Variants in ETHE1 observed in about 807,000 individuals in gnomAD.
ETHE1 encodes the protein ETHE1 persulfide dioxygenase.
In ETHE1, 16 loss-of-function variants were observed where a neutral mutation model predicts 25.7. That is an observed-to-expected ratio of 0.62 (90% confidence interval 0.42 to 0.95). The LOEUF is 0.95. Among genes scored for constraint, ETHE1 ranks in the 40% least tolerant of loss-of-function variants. The pLI is 0.00. For synonymous variants in ETHE1, 139 were observed against 135.9 expected (o/e 1.02, Z -0.16); for missense variants, 300 against 333.6 (o/e 0.90, Z 0.79).
chr19:43,512,996 A>G (rs1019561200), intron 3 of ETHE1, among the ~76,000 whole-genome samples: 8 of 152,186 alleles, frequency 5.3e-5, no homozygotes, highest in African/African-American at 1.9e-4. Context: ...TCGGGGCTAA[A>G]AGGGGCCAAG....
At position 43,526,214 on chromosome 19, in the gene ETHE1, C is replaced by T. The variant is rs1194917182; in HGVS notation, c.362G>A (p.Arg121His). The change falls in exon 3 of 7, where the codon CGC becomes CAC. Residue 121 changes from arginine to histidine, a missense_variant. By Grantham distance (29) the Arg-to-His change is conservative. Transcript: ENST00000292147. ...DLHIEDGDSI[R>H]FGRFALETRA... is the part of the protein sequence containing the mutation. ...CACCCAACTCACGAAGCGCCCGAAG[C>T]GGATGGAGTCTCCATCCTCAATGTG... 6.2e-7 allele frequency: 1 copy of T among 1,614,040 alleles called. No individual in the cohort carries two copies. Among genetic ancestry groups the T allele is most frequent in the East Asian group, 2.2e-5 (1 of 44,880 alleles).
At chr19:43,513,191 T>C (rs1394182869) in intron 3 of ETHE1, among the ~76,000 whole-genome samples, 1 of 152,106 alleles carries the variant, frequency 6.6e-6, no homozygotes, top group African/African-American at 2.4e-5. Context: ...GAAGCCTTCA[T>C]AGGGAACCTC....
chr19:43,507,030 T>A, intron 6 of ETHE1, 128 bp from the exon 7 acceptor site: 1 of 926,756 alleles, frequency 1.1e-6, no homozygotes, highest in Non-Finnish European at 1.7e-6. Flanking sequence ...GCCCACTCCT[T>A]CCCTCAGACC....
At chr19:43,523,067 T>C (rs1972167198) in intron 3 of ETHE1, among the ~76,000 whole-genome samples, 1 of 152,166 alleles carries the variant, frequency 6.6e-6, no homozygotes, top group Non-Finnish European at 1.5e-5. Context: ...GTCCTGTTTA[T>C]AATGTCAGAA....
At chr19:43,509,295 G>A (rs1038810055) in intron 4 of ETHE1, among the ~76,000 whole-genome samples, 1 of 151,898 alleles carries the variant, frequency 6.6e-6, no homozygotes, top group Non-Finnish European at 1.5e-5. Context: ...TCAGGAGTTC[G>A]AGACCAGCCT....
At chr19:43,510,508 T>C (rs1337711516) in intron 4 of ETHE1, among the ~76,000 whole-genome samples, 1 of 151,924 alleles carries the variant, frequency 6.6e-6, no homozygotes, top group Admixed American at 6.6e-5. Flanking sequence ...CTAATTTTTG[T>C]ATTTTTAGTA....
At position 43,523,562 on chromosome 19, in the gene ETHE1, C is replaced by T. The variant is rs575832751; in HGVS notation, c.375+2639G>A. Among the ~76,000 whole-genome samples the T allele has an allele frequency of 7.9e-5, 12 of 152,068 alleles. No homozygotes were observed. In the East Asian group the frequency reaches 1.9e-3, roughly 25 times the overall value. ...AACGTACTGGAATTACAGGCATGAG[C>T]CACCACACCCAGGCTAACAATTCAT... On this transcript the variant is annotated intron_variant, in intron 3 of 6. Coordinates refer to ENST00000292147, the MANE Select transcript of ETHE1 (RefSeq NM_014297.5).
At chr19:43,517,115 C>A (rs1010478628) in intron 3 of ETHE1, among the ~76,000 whole-genome samples, 2 of 151,368 alleles carry the variant, frequency 1.3e-5, no homozygotes, top group Admixed American at 6.6e-5. Flanking sequence ...TGAGCCACTG[C>A]ACCAAGCCAA....
chr19:43,513,962 T>A (rs1445266089), intron 3 of ETHE1, among the ~76,000 whole-genome samples: 1 of 152,158 alleles, frequency 6.6e-6, no homozygotes, highest in African/African-American at 2.4e-5. Flanking sequence ...CCTCAGCTGA[T>A]CTGCCTGCCT....
At chr19:43,526,839 C>G (rs1040452168) in intron 1 of ETHE1, 180 bp from the exon 2 acceptor site, 22 of 1,485,198 alleles carry the variant, frequency 1.5e-5, no homozygotes, top group Non-Finnish European at 1.9e-5. Context: ...CAAAAGAGTT[C>G]CAACTTCCTA....
intron 3 of ETHE1, among the ~76,000 whole-genome samples, chr19:43,515,963 C>T (rs758928996): frequency 1.3e-5 from 2 of 152,136 alleles, no homozygotes; most frequent in Non-Finnish European, 2.9e-5. Context: ...CACAGATACA[C>T]TGGACGTAGG....
chr19:43,516,431 C>T (rs1972020239), intron 3 of ETHE1, among the ~76,000 whole-genome samples: 1 of 151,540 alleles, frequency 6.6e-6, no homozygotes, highest in Admixed American at 6.6e-5. Flanking sequence ...TCCTGAGTAG[C>T]TGGGATTACA....
intron 3 of ETHE1, 41 bp from the exon 4 acceptor site, chr19:43,511,607 C>T (rs770596692): frequency 5.0e-6 from 8 of 1,604,620 alleles, no homozygotes; most frequent in Non-Finnish European, 5.9e-6. Context: ...CACCAAGAAG[C>T]CTTCTAGATG....
At chr19:43,512,217 G>A (rs1971932544) in intron 3 of ETHE1, among the ~76,000 whole-genome samples, 1 of 152,192 alleles carries the variant, frequency 6.6e-6, no homozygotes, top group Admixed American at 6.6e-5. Context: ...GTGGGGTGCT[G>A]CTATAAGGAG....
intron 3 of ETHE1, among the ~76,000 whole-genome samples, chr19:43,524,711 T>C (rs1356143937): frequency 6.6e-6 from 1 of 151,884 alleles, no homozygotes; most frequent in Non-Finnish European, 1.5e-5. Context: ...GGCTGAGGCA[T>C]GAGGATCACC....
In ETHE1 at chr19:43,507,763, T is replaced by C. The variant is rs12985024; in HGVS notation, c.712+181A>G. 43,354 of 300,062 alleles carry C rather than the reference T, an allele frequency of 0.14. 5,286 individuals carry two copies. The highest frequency in any genetic ancestry group is 0.16 in the Non-Finnish European group (27,600 of 169,682). 18.6% of individuals were successfully genotyped at this position (300,062 alleles called of 1,614,324 possible). On this transcript the variant is annotated intron_variant, in intron 6 of 6. Transcript: ENST00000292147. ...TCCAGTCCCCCAGCCCCTCCTCCCT[T>C]AGACCCAGGAGTCCAGGCCCCCAGC...
At chr19:43,508,997 G>T in intron 4 of ETHE1, 133 bp from the exon 5 acceptor site, 2 of 745,110 alleles carry the variant, frequency 2.7e-6, no homozygotes, top group Non-Finnish European at 4.8e-6. Flanking sequence ...ATATCCCTTT[G>T]TCTAAGTAGA....
intron 3 of ETHE1, 127 bp downstream of exon 3, chr19:43,526,074 G>A: frequency 2.1e-6 from 3 of 1,439,546 alleles, no homozygotes; most frequent in South Asian, 1.2e-5. Flanking sequence ...GAGCTCAGGG[G>A]TCAGAAACCC....
At chr19:43,518,840 A>G (rs971377556) in intron 3 of ETHE1, among the ~76,000 whole-genome samples, 2 of 151,664 alleles carry the variant, frequency 1.3e-5, no homozygotes, top group African/African-American at 4.8e-5. Context: ...AGTATAGCCT[A>G]GAGAACCCTG....
Sources: gnomAD v4.1 joint callset for allele counts (sites outside exome capture counted in the v4.1 genomes callset) on GRCh38, gnomAD v4.1.1 for gene constraint, MANE v1.5 for transcripts, NCBI Gene and HGNC (gene_info 2026-07-23, HGNC 2026-07-21) for gene names.